Variants in NRXN3 observed in about 807,000 individuals in gnomAD.
NRXN3 encodes the protein neurexin III.
NRXN3 carries 32 observed loss-of-function variants against 137.6 expected under a neutral mutation model. The ratio of observed to expected loss-of-function variants is 0.23; its 90% CI spans 0.18 to 0.31. The LOEUF (loss-of-function observed/expected upper bound fraction) is 0.31. NRXN3 is among the 10% of genes least tolerant of loss of function. The pLI is 1.00. For synonymous variants in NRXN3, 798 were observed against 784.5 expected (o/e 1.02, Z -0.29); for missense variants, 1,574 against 2,062.5 (o/e 0.76, Z 4.59).
chr14:78,783,157 A>C (rs1026663205), intron 8 of NRXN3, among the ~76,000 whole-genome samples: 1 of 152,214 alleles, frequency 6.6e-6, no homozygotes, highest in Non-Finnish European at 1.5e-5. Context: ...AACTTGGAAG[A>C]TCCTGACTTT....
At chr14:78,939,533 C>G (rs1342852986) in intron 10 of NRXN3, among the ~76,000 whole-genome samples, 1 of 152,228 alleles carries the variant, frequency 6.6e-6, no homozygotes, top group Non-Finnish European at 1.5e-5. Flanking sequence ...CTGGGAAACA[C>G]TGGTCCTGTT....
intron 15 of NRXN3, among the ~76,000 whole-genome samples, chr14:79,001,972 A>C (rs1202852201): frequency 1.3e-5 from 2 of 152,160 alleles, no homozygotes; most frequent in Non-Finnish European, 2.9e-5. Context: ...TGTTACCAAT[A>C]AATAAAGCAA....
intron 15 of NRXN3, among the ~76,000 whole-genome samples, chr14:79,088,761 CT>C (rs1247253182): frequency 1.3e-5 from 2 of 151,960 alleles, no homozygotes; most frequent in Non-Finnish European, 1.5e-5. Context: ...TATATCAGCC[CT>C]TTTTTTATGT....
At chr14:78,798,463 A>G (rs561514285) in intron 8 of NRXN3, among the ~76,000 whole-genome samples, 4 of 152,282 alleles carry the variant, frequency 2.6e-5, no homozygotes, top group East Asian at 1.9e-4. Flanking sequence ...GCAGAGTACA[A>G]TTCCTCTCCT....
chr14:79,167,157 G>T (rs2061355373), intron 15 of NRXN3, among the ~76,000 whole-genome samples: 1 of 151,996 alleles, frequency 6.6e-6, no homozygotes, highest in Non-Finnish European at 1.5e-5. Flanking sequence ...TAATATGAAT[G>T]TTACAGTGAT....
intron 15 of NRXN3, among the ~76,000 whole-genome samples, chr14:79,148,472 T>C (rs1186454421): frequency 6.6e-6 from 1 of 152,166 alleles, no homozygotes; most frequent in Non-Finnish European, 1.5e-5. Flanking sequence ...TCTAGCTCTA[T>C]AGGCCCTCAT....
At chr14:78,886,534 T>C (rs154314) in intron 10 of NRXN3, among the ~76,000 whole-genome samples, 1 of 151,842 alleles carries the variant, frequency 6.6e-6, no homozygotes, top group African/African-American at 2.4e-5. Context: ...CACTTTAGAG[T>C]CTTTAATTTG....
intron 16 of NRXN3, among the ~76,000 whole-genome samples, chr14:79,644,497 C>G (rs2153964318): frequency 7.4e-6 from 1 of 135,440 alleles, no homozygotes; most frequent in East Asian, 2.0e-4. Flanking sequence ...GAGGCTTTCC[C>G]ATTTGTAAAA....
At chr14:78,210,314 C>T (rs2062618902) in intron 1 of NRXN3, among the ~76,000 whole-genome samples, 1 of 152,134 alleles carries the variant, frequency 6.6e-6, no homozygotes, top group Non-Finnish European at 1.5e-5. Flanking sequence ...CCTCTGGCCT[C>T]TGCTGTAAGG....
At chr14:79,168,348 G>T (rs1410145900) in intron 15 of NRXN3, among the ~76,000 whole-genome samples, 1 of 151,960 alleles carries the variant, frequency 6.6e-6, no homozygotes, top group Non-Finnish European at 1.5e-5. Context: ...GAGGGAGATA[G>T]TTGATATTCA....
chr14:79,861,505 G>C lies in NRXN3; in HGVS notation c.4257G>C (p.Gly1419=), dbSNP rs1340531482. The C allele has an allele frequency of 7.8e-6, 12 of 1,540,200 alleles. No homozygotes were observed. Among genetic ancestry groups the C allele is most frequent in the Non-Finnish European group, 9.6e-6 (11 of 1,147,424 alleles). Residue 1419 remains glycine (G), a synonymous_variant, in exon 21 of 21, where the codon GGG becomes GGC. Coordinates refer to ENST00000335750, the MANE Select transcript of NRXN3 (RefSeq NM_001330195.2). The surrounding 1 kb of genome is among the most constrained non-coding windows in gnomAD (Gnocchi z 5.4). The part of the protein sequence containing the change: ...LIRFTASSSS[G]MVPKLPAGKM... ...GCTTCACAGCTTCCTCCTCGTCTGG[G>C]ATGGTGCCCAAATTGCCAGCTGGCA...
In NRXN3 at chr14:79,862,207, T is replaced by G. The variant is rs1016572694; in HGVS notation, c.*243T>G. The G allele has an allele frequency of 1.7e-5, 8 of 467,606 alleles. No homozygotes were observed. Among genetic ancestry groups the G allele is most frequent in the Non-Finnish European group, 2.3e-5 (6 of 257,514 alleles). The allele number at this position is 467,606 out of a possible 1,614,324, so 29.0% of individuals were successfully genotyped here. ...AGCGGTCGCTGGGAGACAGAAGGTT[T>G]TGTGCCCTGCTGTATCATAAAGCAC... On this transcript the variant is annotated 3_prime_UTR_variant, in exon 21 of 21. Coordinates refer to ENST00000335750, the MANE Select transcript of NRXN3 (RefSeq NM_001330195.2).
intron 15 of NRXN3, among the ~76,000 whole-genome samples, chr14:79,304,945 C>T (rs1008475724): frequency 2.6e-5 from 4 of 152,022 alleles, no homozygotes; most frequent in Admixed American, 1.3e-4. Context: ...TGTAACTCTC[C>T]AAAGACATAC....
chr14:78,200,730 C>G (rs1412471537), intron 1 of NRXN3, among the ~76,000 whole-genome samples: 2 of 152,112 alleles, frequency 1.3e-5, no homozygotes, highest in Non-Finnish European at 2.9e-5. Flanking sequence ...TGGATTAAAT[C>G]AGATTAATCA....
At chr14:79,131,712 G>C (rs1315369804) in intron 15 of NRXN3, among the ~76,000 whole-genome samples, 2 of 152,146 alleles carry the variant, frequency 1.3e-5, no homozygotes, top group African/African-American at 2.4e-5. Flanking sequence ...CCACCCAGTT[G>C]GAGCTTCCTG....
intron 15 of NRXN3, among the ~76,000 whole-genome samples, chr14:79,066,340 T>C (rs2152690301): frequency 6.6e-6 from 1 of 152,278 alleles, no homozygotes; most frequent in East Asian, 1.9e-4. Flanking sequence ...GCTTTTCCAT[T>C]GATCTATTTG....
At chr14:78,462,724 T>G (rs1175197449) in intron 4 of NRXN3, among the ~76,000 whole-genome samples, 4 of 152,200 alleles carry the variant, frequency 2.6e-5, no homozygotes, top group Admixed American at 2.0e-4. Flanking sequence ...TAAATATAAT[T>G]CTATTTGGTA....
intron 7 of NRXN3, among the ~76,000 whole-genome samples, chr14:78,711,326 GTTTTTGTTGT>G (rs2098405493): frequency 6.6e-6 from 1 of 150,870 alleles, no homozygotes; most frequent in South Asian, 2.1e-4. Flanking sequence ...AAGGGGAACA[GTTTTTGTTGT>G]TTAAACCACC....
chr14:78,878,334 A>G (rs1458191994), intron 10 of NRXN3, among the ~76,000 whole-genome samples: 1 of 152,168 alleles, frequency 6.6e-6, no homozygotes, highest in Non-Finnish European at 1.5e-5. Context: ...ACCTTCAGAG[A>G]ATCTTTCCAC....
Sources: gnomAD v4.1 joint callset for allele counts (sites outside exome capture counted in the v4.1 genomes callset) on GRCh38, gnomAD v4.1.1 for gene constraint, Gnocchi (gnomAD v3.1) non-coding constraint, MANE v1.5 for transcripts, NCBI Gene and HGNC (gene_info 2026-07-23, HGNC 2026-07-21) for gene names.